The following GABRG3 variants were observed in gnomAD, a reference collection of about 807,000 sequenced individuals.
The protein encoded by GABRG3 is gamma-aminobutyric acid receptor subunit gamma-3.
A neutral mutation model predicts 48.8 loss-of-function variants in GABRG3; 25 were observed. The observed-to-expected ratio is 0.51, with a 90% confidence interval of 0.37 to 0.72. The LOEUF is 0.72. GABRG3 is among the 30% of genes least tolerant of loss of function. GABRG3 has a pLI of 0.00. For synonymous variants in GABRG3, 227 were observed against 217.6 expected, an observed-to-expected ratio of 1.04 and a Z score of -0.38; for missense variants, 394 against 577.9, an observed-to-expected ratio of 0.68 and a Z score of 3.26.
chr15:27,415,663 AAAAT>A (rs1306901704), intron 5 of GABRG3, among the ~76,000 whole-genome samples: 1 of 152,158 alleles, frequency 6.6e-6, no homozygotes, highest in Non-Finnish European at 1.5e-5. Context: ...GACATTTAAA[AAAAT>A]AAATAAATTC....
intron 3 of GABRG3, among the ~76,000 whole-genome samples, chr15:27,142,734 T>C (rs1446930492): frequency 1.3e-5 from 2 of 152,134 alleles, no homozygotes; most frequent in African/African-American, 2.4e-5. Context: ...ACTTTATCCC[T>C]TCATGTTGAC....
intron 3 of GABRG3, among the ~76,000 whole-genome samples, chr15:27,143,209 G>A (rs1156709604): frequency 6.6e-6 from 1 of 152,180 alleles, no homozygotes; most frequent in Non-Finnish European, 1.5e-5. Flanking sequence ...CTCCCAAGTA[G>A]CTGGGACTAC....
chr15:27,039,103 G>C (rs904527561), intron 3 of GABRG3, among the ~76,000 whole-genome samples: 1 of 152,188 alleles, frequency 6.6e-6, no homozygotes, highest in African/African-American at 2.4e-5. Context: ...AGGGTCAGTG[G>C]GTGTAAAGTT....
At chr15:26,994,981 T>A (rs2140650343) in intron 2 of GABRG3, among the ~76,000 whole-genome samples, 1 of 152,196 alleles carries the variant, frequency 6.6e-6, no homozygotes, top group African/African-American at 2.4e-5. Flanking sequence ...CTCATCATTT[T>A]ATAGTTTTGT....
chr15:27,124,656 T>A (rs1342954547), intron 3 of GABRG3, among the ~76,000 whole-genome samples: 1 of 152,184 alleles, frequency 6.6e-6, no homozygotes, highest in Non-Finnish European at 1.5e-5. Context: ...CTCTTGGCTT[T>A]AGATAACAGC....
chr15:27,519,841 C>G (rs957686584), intron 6 of GABRG3, 131 bp from the exon 7 acceptor site: 18 of 679,716 alleles, frequency 2.6e-5, no homozygotes, highest in African/African-American at 1.3e-4. Flanking sequence ...GATCCATTTC[C>G]TGATTTGATA....
Position 27,058,563 on chromosome 15 carries a change from A to G in GABRG3, c.270+31742A>G, listed in dbSNP as rs79389459. 0.011 allele frequency among the ~76,000 whole-genome samples: 1,671 copies of G among 152,156 alleles called. 101 individuals carry two copies. The East Asian group carries it at 0.17, about 15-fold the overall frequency. ...TTGGGAAGTTAATTTATAAATTCCC[A>G]ACTGTCCGGCTACATGTCAAGTGTC... is the stretch of plus-strand genomic sequence containing the variant. On this transcript the variant is annotated intron_variant, in intron 3 of 9. Coordinates refer to ENST00000615808, the MANE Select transcript of GABRG3 (RefSeq NM_033223.5).
At chr15:27,519,184 G>A (rs758290128) in intron 6 of GABRG3, among the ~76,000 whole-genome samples, 6 of 152,232 alleles carry the variant, frequency 3.9e-5, no homozygotes, top group South Asian at 2.1e-4. Flanking sequence ...GGGAGGATGA[G>A]GATGAGGAGA....
chr15:27,501,378 A>G (rs1289159141), intron 6 of GABRG3, among the ~76,000 whole-genome samples: 8 of 152,172 alleles, frequency 5.3e-5, no homozygotes, highest in African/African-American at 1.7e-4. Context: ...CAAGCTCTAC[A>G]AGTCTTCCTG....
intron 5 of GABRG3, among the ~76,000 whole-genome samples, chr15:27,354,737 C>T (rs1432876237): frequency 1.3e-5 from 2 of 152,192 alleles, no homozygotes; most frequent in Non-Finnish European, 2.9e-5. Flanking sequence ...GAGTGGATAT[C>T]TCACATGCAT....
intron 5 of GABRG3, among the ~76,000 whole-genome samples, chr15:27,408,242 G>C (rs1887696250): frequency 1.3e-5 from 2 of 152,184 alleles, no homozygotes; most frequent in South Asian, 4.1e-4. Context: ...CTTTTTGCCA[G>C]GTCTCAGAAA....
intron 3 of GABRG3, among the ~76,000 whole-genome samples, chr15:27,068,285 A>G (rs577251584): frequency 6.6e-6 from 1 of 152,210 alleles, no homozygotes; most frequent in African/African-American, 2.4e-5. Context: ...GCTGGGGGAG[A>G]TGCTCGCACT....
At chr15:27,396,280 T>C (rs913151524) in intron 5 of GABRG3, among the ~76,000 whole-genome samples, 1 of 151,992 alleles carries the variant, frequency 6.6e-6, no homozygotes, top group African/African-American at 2.4e-5. Flanking sequence ...GTATCCAGAG[T>C]ATGTAAGGAA....
chr15:27,090,654 G>A (rs1222134783), intron 3 of GABRG3, among the ~76,000 whole-genome samples: 1 of 151,892 alleles, frequency 6.6e-6, no homozygotes, highest in Non-Finnish European at 1.5e-5. Flanking sequence ...CTATTTATTT[G>A]TGTTTTAAAA....
chr15:27,391,353 A>G (rs1219192972), intron 5 of GABRG3, among the ~76,000 whole-genome samples: 1 of 152,204 alleles, frequency 6.6e-6, no homozygotes, highest in Non-Finnish European at 1.5e-5. Context: ...GACAGATCCC[A>G]AAGTGCAGGT....
At chr15:26,993,295 A>G (rs1895280777) in intron 2 of GABRG3, among the ~76,000 whole-genome samples, 2 of 151,940 alleles carry the variant, frequency 1.3e-5, no homozygotes, top group Admixed American at 1.3e-4. Context: ...GAGATACATC[A>G]CTAGGTTACG....
intron 3 of GABRG3, among the ~76,000 whole-genome samples, chr15:27,153,636 T>G (rs1033542167): frequency 6.6e-6 from 1 of 152,190 alleles, no homozygotes; most frequent in Non-Finnish European, 1.5e-5. Flanking sequence ...ATTTAGATCT[T>G]CTTTGATTTC....
intron 2 of GABRG3, among the ~76,000 whole-genome samples, chr15:26,979,430 G>A (rs1482440443): frequency 1.3e-5 from 2 of 151,968 alleles, no homozygotes; most frequent in Non-Finnish European, 2.9e-5. Context: ...TAGATCTTAG[G>A]GGCAAAGCCT....
At chr15:27,307,407 A>ATATATAAACATATAGGTTTATATG (rs1251741976) in intron 3 of GABRG3, among the ~76,000 whole-genome samples, 1 of 47,426 alleles carries the variant, frequency 2.1e-5, no homozygotes, top group South Asian at 3.7e-4. Flanking sequence ...AGGTTTATAT[A>ATATATAAACATATAGGTTTATATG]TTTATATATA....
Sources: gnomAD v4.1 joint callset for allele counts (sites outside exome capture counted in the v4.1 genomes callset) on GRCh38, gnomAD v4.1.1 for gene constraint, MANE v1.5 for transcripts, NCBI Gene and HGNC (gene_info 2026-07-23, HGNC 2026-07-21) for gene names.